LIMA1: variants seen among roughly 807,000 people sequenced by gnomAD.
LIMA1 encodes the protein LIM domain and actin binding 1.
A neutral mutation model predicts 62.6 loss-of-function variants in LIMA1; 52 were observed. The observed-to-expected ratio is 0.83, with a 90% CI of 0.67 to 1.05. LIMA1 has a LOEUF of 1.05. LIMA1 is among the 50% of genes least tolerant of loss of function. The pLI, the probability that LIMA1 is intolerant of heterozygous loss-of-function variation, is 0.00. For synonymous variants in LIMA1, 302 were observed against 317.8 expected (o/e 0.95, Z 0.53); for missense variants, 780 against 902.2 (o/e 0.86, Z 1.74).
chr12:50,202,482 G>A (rs970157027), intron 6 of LIMA1, among the ~76,000 whole-genome samples: 1 of 152,104 alleles, frequency 6.6e-6, no homozygotes, highest in African/African-American at 2.4e-5. Flanking sequence ...AGTAAAATCT[G>A]GTAACAAGAG....
intron 4 of LIMA1, among the ~76,000 whole-genome samples, chr12:50,211,331 C>CA (rs34045758): frequency 0.025 from 2,064 of 82,690 alleles, 40 homozygotes; most frequent in African/African-American, 0.053. Flanking sequence ...CCCACCCCCC[C>CA]AAAAAAAAAA....
intron 1 of LIMA1, among the ~76,000 whole-genome samples, chr12:50,265,034 T>C (rs573186324): frequency 9.7e-4 from 148 of 151,970 alleles, no homozygotes; most frequent in African/African-American, 3.5e-3. Context: ...GTGCCTGTGG[T>C]TCCAGCTACT....
At chr12:50,246,295 C>T in intron 2 of LIMA1, among the ~76,000 whole-genome samples, 1 of 151,096 alleles carries the variant, frequency 6.6e-6, no homozygotes, top group East Asian at 1.9e-4. Context: ...GCATGTCATG[C>T]ATGTCAAGGG....
intron 6 of LIMA1, among the ~76,000 whole-genome samples, chr12:50,203,384 A>T (rs1941092134): frequency 6.6e-6 from 1 of 151,768 alleles, no homozygotes; most frequent in Non-Finnish European, 1.5e-5. Flanking sequence ...CGTAAAGGGG[A>T]AGGACCCTCC....
At chr12:50,205,775 A>T (rs981342306) in intron 5 of LIMA1, among the ~76,000 whole-genome samples, 2 of 144,084 alleles carry the variant, frequency 1.4e-5, no homozygotes, top group African/African-American at 2.6e-5. Context: ...GCACTTTGGG[A>T]GCACGTCAAC....
At chr12:50,256,014 T>A (rs190866011) in intron 1 of LIMA1, among the ~76,000 whole-genome samples, 5 of 152,102 alleles carry the variant, frequency 3.3e-5, no homozygotes, top group African/African-American at 4.8e-5. Flanking sequence ...CTCAGCCTCC[T>A]GGGTAGCTGT....
rs944277712 is a variant in LIMA1 at position 50,196,165 on chromosome 12, A to G, written c.973-278T>C. 16 of 339,494 alleles carry G rather than the reference A, an allele frequency of 4.7e-5. No individual in the cohort carries two copies. The Admixed American group carries it at 5.1e-4, about 11-fold the overall frequency. The allele number at this position is 339,494 out of a possible 1,614,324, so 21.0% of individuals were successfully genotyped here. ...GTGCATCATCTCCCTTTATAAAACA[A>G]CTTCTAAACCATATTTTTCTGCTCT... is the stretch of plus-strand genomic sequence containing the variant. On this transcript the variant is annotated intron_variant, in intron 7 of 10. Transcript: ENST00000341247.
intron 4 of LIMA1, among the ~76,000 whole-genome samples, chr12:50,207,339 G>A (rs1026462034): frequency 2.0e-5 from 3 of 152,100 alleles, no homozygotes; most frequent in Non-Finnish European, 4.4e-5. Context: ...TTTTAAGACT[G>A]TAGTGTCAAA....
chr12:50,234,967 T>A (rs796757899), intron 2 of LIMA1, among the ~76,000 whole-genome samples: 1 of 152,078 alleles, frequency 6.6e-6, no homozygotes, highest in African/African-American at 2.4e-5. Flanking sequence ...GCTACGATCA[T>A]GCCACTGTAC....
intron 2 of LIMA1, among the ~76,000 whole-genome samples, chr12:50,232,940 TCACGCCAC>T (rs1396100311): frequency 6.6e-6 from 1 of 152,156 alleles, no homozygotes; most frequent in African/African-American, 2.4e-5. Flanking sequence ...TGAGCTGAGA[TCACGCCAC>T]TGCACTCTAG....
At chr12:50,189,378 A>C (rs1940701014) in intron 9 of LIMA1, 1 of 152,142 alleles carries the variant, frequency 6.6e-6, no homozygotes, top group Non-Finnish European at 1.5e-5. Flanking sequence ...TCATGCTCAC[A>C]GTCAGAGGTA....
chr12:50,249,852 T>C (rs1462003215), intron 1 of LIMA1: 1 of 152,130 alleles, frequency 6.6e-6, no homozygotes, highest in Admixed American at 6.5e-5. Context: ...AAAAATAAAG[T>C]ACTACTTGCA....
intron 1 of LIMA1, among the ~76,000 whole-genome samples, chr12:50,258,804 C>A (rs1247523102): frequency 4.0e-5 from 6 of 151,864 alleles, no homozygotes; most frequent in African/African-American, 1.5e-4. Context: ...TGCGCCACCA[C>A]ACCCGAGTAA....
intron 7 of LIMA1, chr12:50,196,191 C>CA: frequency 3.5e-6 from 1 of 284,630 alleles, no homozygotes; most frequent in South Asian, 9.9e-5. Context: ...TTTCTGCTCT[C>CA]AAAAAACAAA....
intron 7 of LIMA1, among the ~76,000 whole-genome samples, chr12:50,197,613 A>G (rs555104997): frequency 1.6e-4 from 24 of 152,266 alleles, no homozygotes; most frequent in South Asian, 1.2e-3. Context: ...CTATAATTAA[A>G]ATGTTCTAAT....
At chr12:50,272,196 T>C (rs1004521912) in intron 1 of LIMA1, among the ~76,000 whole-genome samples, 1 of 152,024 alleles carries the variant, frequency 6.6e-6, no homozygotes, top group Non-Finnish European at 1.5e-5. Flanking sequence ...GAAGAGTCAG[T>C]TCAGATCAGT....
intron 1 of LIMA1, among the ~76,000 whole-genome samples, chr12:50,273,012 T>G (rs1340990384): frequency 6.7e-6 from 1 of 149,452 alleles, no homozygotes; most frequent in Non-Finnish European, 1.5e-5. Context: ...ATCACACCAC[T>G]GCACTCTAGC....
At chr12:50,196,079 T>C (rs1480577326) in intron 7 of LIMA1, 192 bp from the exon 8 acceptor site, 12 of 524,498 alleles carry the variant, frequency 2.3e-5, no homozygotes, top group Non-Finnish European at 4.0e-5. Context: ...TATGAGGATA[T>C]TAACATGCCT....
intron 1 of LIMA1, among the ~76,000 whole-genome samples, chr12:50,268,540 T>C (rs1173603900): frequency 6.6e-6 from 1 of 152,206 alleles, no homozygotes; most frequent in Non-Finnish European, 1.5e-5. Flanking sequence ...GTGCTTTACA[T>C]GTTATCTCAT....
Sources: allele counts gnomAD v4.1 joint callset (sites outside exome capture counted in the v4.1 genomes callset), GRCh38; gene constraint gnomAD v4.1.1; transcripts MANE v1.5; gene names NCBI Gene and HGNC (gene_info 2026-07-23, HGNC 2026-07-21).